The following ARHGEF9 variants were observed in gnomAD, a reference collection of about 807,000 sequenced individuals.
ARHGEF9 encodes Cdc42 guanine nucleotide exchange factor 9.
Under a neutral mutation model 41.3 loss-of-function variants are expected in ARHGEF9, and 2 were observed. That is an observed-to-expected ratio of 0.05 (90% confidence interval 0.02 to 0.15). ARHGEF9 has a LOEUF of 0.15. Among genes scored for constraint, ARHGEF9 ranks in the 10% least tolerant of loss-of-function variants. ARHGEF9 has a pLI of 1.00. For missense variants in ARHGEF9, 225 were observed against 424.7 expected, an observed-to-expected ratio of 0.53 and a Z score of 4.13; for synonymous variants, 160 against 154.4, an observed-to-expected ratio of 1.04 and a Z score of -0.27.
intron 6 of ARHGEF9, among the ~76,000 whole-genome samples, chrX:63,672,483 A>G (rs2050021593): frequency 1.8e-5 from 2 of 111,013 alleles, no homozygotes; most frequent in Admixed American, 1.9e-4. Context: ...ATTCAGACAT[A>G]CATGCAGGAA....
At chrX:63,749,566 A>G (rs2055487204) in intron 1 of ARHGEF9, among the ~76,000 whole-genome samples, 1 of 111,802 alleles carries the variant, frequency 8.9e-6, no homozygotes, top group Admixed American at 9.4e-5. Context: ...CTAGTTAGGA[A>G]TGACCAACTC....
intron 7 of ARHGEF9, among the ~76,000 whole-genome samples, chrX:63,665,646 T>TA (rs1328038089): frequency 2.7e-5 from 3 of 111,095 alleles, no homozygotes; most frequent in Non-Finnish European, 3.8e-5. Flanking sequence ...GGGCAAAGGG[T>TA]AAAAAAAATA....
At position 63,654,078 on chromosome X, in the gene ARHGEF9, G is replaced by GT. The variant is rs782508622; in HGVS notation, c.1321+1415dup. Reference sequence around the variant, plus strand: ...AAGTTATTACTGAGTATGTTCATGTGTTTTTTTTTTTTCTTGTACTTTTCT... The same window carrying GT: ...AAGTTATTACTGAGTATGTTCATGTGTTTTTTTTTTTTTCTTGTACTTTTCT... On this transcript the variant is annotated intron_variant, in intron 8 of 9. Coordinates refer to ENST00000671741, the MANE Select transcript of ARHGEF9 (RefSeq NM_001353921.2). Among the ~76,000 whole-genome samples the GT allele has an allele frequency of 6.1e-3, 548 of 89,144 alleles. 1 individual carries two copies. The highest frequency in any genetic ancestry group is 0.014 in the Middle Eastern group (2 of 148). The allele number at this position is 89,144 out of a possible 115,157, so 77.4% of individuals were successfully genotyped here. A position where few individuals can be genotyped will look rare whatever the true frequency, so the allele number is the denominator to read the frequency against.
chrX:63,674,134 G>C lies in ARHGEF9; in HGVS notation c.849C>G (p.Val283=). The C allele has an allele frequency of 8.3e-7, 1 of 1,209,059 alleles. No individual in the cohort carries two copies. The highest frequency in any genetic ancestry group is 1.1e-6 in the Non-Finnish European group (1 of 894,798). The part of the protein sequence containing the change: ...DYRYVAAALA[V]MRNVTQQINE... ...TGATCTGCTGAGTCACATTTCTCAT[G>C]ACAGCCAAAGCAGCTGCCACATACC... The change falls in exon 6 of 10, where the codon GTC becomes GTG. Residue 283 remains valine, a synonymous_variant. Coordinates refer to ENST00000671741, the MANE Select transcript of ARHGEF9 (RefSeq NM_001353921.2).
chrX:63,752,355 T>C (rs1488261251), intron 1 of ARHGEF9, among the ~76,000 whole-genome samples: 1 of 109,342 alleles, frequency 9.1e-6, no homozygotes, highest in Non-Finnish European at 1.9e-5. Flanking sequence ...AGCTGCTGAA[T>C]GGAAAAAACA....
intron 1 of ARHGEF9, among the ~76,000 whole-genome samples, chrX:63,770,759 A>G (rs2056191314): frequency 9.0e-6 from 1 of 111,728 alleles, no homozygotes; most frequent in South Asian, 3.8e-4. Context: ...TTCTCACAAG[A>G]TCTGATGGTT....
At chrX:63,724,889 T>C (rs1314764026) in intron 1 of ARHGEF9, 178 bp from the exon 2 acceptor site, 2 of 474,806 alleles carry the variant, frequency 4.2e-6, no homozygotes, top group South Asian at 6.2e-5. Flanking sequence ...AACAATACTG[T>C]CAACTCTCTG....
At chrX:63,664,512 G>A (rs183385466) in intron 7 of ARHGEF9, among the ~76,000 whole-genome samples, 14 of 112,533 alleles carry the variant, frequency 1.2e-4, no homozygotes, top group African/African-American at 3.9e-4. Context: ...AGGCACATTA[G>A]TGTTGGTGAC....
intron 9 of ARHGEF9, 123 bp downstream of exon 9, chrX:63,643,857 G>C: frequency 1.5e-6 from 1 of 682,581 alleles, no homozygotes; most frequent in East Asian, 3.3e-5. Context: ...AGGACACCTA[G>C]GGACCTGGAT....
intron 6 of ARHGEF9, chrX:63,670,438 C>G (rs1336028421): frequency 9.1e-6 from 1 of 110,199 alleles, no homozygotes; most frequent in Non-Finnish European, 1.9e-5. Context: ...CACAACCAGG[C>G]TGGGAGGAGA....
chrX:63,691,902 T>G (rs1248725286), intron 4 of ARHGEF9, among the ~76,000 whole-genome samples: 1 of 111,446 alleles, frequency 9.0e-6, no homozygotes, highest in African/African-American at 3.3e-5. Flanking sequence ...AATATACCCA[T>G]GCATTTACAG....
chrX:63,758,546 T>C (rs1483210029), intron 1 of ARHGEF9, among the ~76,000 whole-genome samples: 1 of 112,463 alleles, frequency 8.9e-6, no homozygotes. Context: ...GGCCTCTGTA[T>C]CCTCAGCTCT....
intron 2 of ARHGEF9, among the ~76,000 whole-genome samples, chrX:63,713,295 G>C (rs782713922): frequency 1.8e-5 from 2 of 110,654 alleles, no homozygotes; most frequent in Non-Finnish European, 3.8e-5. Flanking sequence ...GGAAATGGAA[G>C]GTGGACTAGT....
intron 3 of ARHGEF9, among the ~76,000 whole-genome samples, chrX:63,702,881 C>A (rs781918139): frequency 1.8e-5 from 2 of 112,083 alleles, no homozygotes; most frequent in South Asian, 7.4e-4. Context: ...AGAGCTCCTC[C>A]AACCTATGCA....
At chrX:63,709,269 A>ATTTCC (rs1556405141) in intron 2 of ARHGEF9, 1 of 112,080 alleles carries the variant, frequency 8.9e-6, no homozygotes, top group East Asian at 2.8e-4. Flanking sequence ...GGCTGGGGAA[A>ATTTCC]CCAGCCTTTG....
In ARHGEF9 at chrX:63,675,248, G is replaced by T. The variant is rs1348260342; in HGVS notation, c.816-1081C>A. Among the ~76,000 whole-genome samples the T allele has an allele frequency of 2.7e-5, 3 of 111,750 alleles. No individual in the cohort carries two copies. In the East Asian group the frequency reaches 8.5e-4, roughly 32 times the overall value. On this transcript the variant is annotated intron_variant, in intron 5 of 9. Coordinates refer to ENST00000671741, the MANE Select transcript of ARHGEF9 (RefSeq NM_001353921.2). ...CTTTTTTTGTGTCCTATCTGATACA[G>T]CCAGCCAAGGACCAAGAAGGGAGCC...
chrX:63,754,233 A>G (rs1482861187), intron 1 of ARHGEF9: 3 of 1,090,600 alleles, frequency 2.8e-6, no homozygotes, highest in Non-Finnish European at 3.8e-6. Context: ...CACTCAAGCA[A>G]TAGGCAACTA....
chrX:63,740,697 A>G (rs1347963588), intron 1 of ARHGEF9, among the ~76,000 whole-genome samples: 2 of 111,326 alleles, frequency 1.8e-5, no homozygotes, highest in Non-Finnish European at 3.8e-5. Context: ...GCTCCCAGGA[A>G]AGCCTGGTAT....
Position 63,636,857 on chromosome X carries a change from T to A in ARHGEF9, c.*1171A>T. ...TCAATAATTTGAAGGTAGCTGATGA[T>A]CTTGATCAGGTGGGCTCTGTCTTGA... On this transcript the variant is annotated 3_prime_UTR_variant, in exon 10 of 10. Transcript: ENST00000671741. 3.4e-6 allele frequency: 1 copy of A among 297,598 alleles called. No homozygotes were observed. The highest frequency in any genetic ancestry group is 5.9e-6 in the Non-Finnish European group (1 of 170,350). The allele number at this position is 297,598 out of a possible 1,213,427, so 24.5% of individuals were successfully genotyped here. A position where few individuals can be genotyped will look rare whatever the true frequency, so the allele number is the denominator to read the frequency against.
Sources: allele counts gnomAD v4.1 joint callset (sites outside exome capture counted in the v4.1 genomes callset), GRCh38; gene constraint gnomAD v4.1.1; transcripts MANE v1.5; gene names NCBI Gene and HGNC (gene_info 2026-07-23, HGNC 2026-07-21).